The following ZNF804B variants were observed in gnomAD, a reference collection of about 807,000 sequenced individuals.
ZNF804B encodes zinc finger protein 804B.
ZNF804B carries 80 observed loss-of-function variants against 101.4 expected under a neutral mutation model. That is an observed-to-expected ratio of 0.79 (90% CI 0.66 to 0.95). ZNF804B has a LOEUF of 0.95. Ranked by LOEUF, ZNF804B falls within the 40% of genes least tolerant of loss-of-function variation. The probability of loss-of-function intolerance (pLI) is 0.00; values close to 1 mark genes in which losing one functional copy is unlikely to be tolerated. For synonymous variants in ZNF804B, 622 were observed against 558.8 expected (o/e 1.11, Z -1.59); for missense variants, 1,673 against 1,561.9 (o/e 1.07, Z -1.20).
At chr7:88,908,291 G>A (rs1792500899) in intron 1 of ZNF804B, among the ~76,000 whole-genome samples, 1 of 151,028 alleles carries the variant, frequency 6.6e-6, no homozygotes, top group Non-Finnish European at 1.5e-5. Context: ...ATGTGTATAT[G>A]TGTTATACTC....
intron 1 of ZNF804B, among the ~76,000 whole-genome samples, chr7:88,863,465 T>G (rs1200782466): frequency 6.6e-6 from 1 of 152,228 alleles, no homozygotes; most frequent in Non-Finnish European, 1.5e-5. Flanking sequence ...AGTTACATGG[T>G]CTTATGTCCA....
intron 1 of ZNF804B, among the ~76,000 whole-genome samples, chr7:88,977,476 G>A (rs1428056494): frequency 1.3e-5 from 2 of 151,484 alleles, no homozygotes; most frequent in Non-Finnish European, 1.5e-5. Flanking sequence ...ATTCTTAGTA[G>A]GTTGTAATGT....
At chr7:89,215,700 G>C (rs1025048264) in intron 1 of ZNF804B, among the ~76,000 whole-genome samples, 1 of 151,320 alleles carries the variant, frequency 6.6e-6, no homozygotes, top group Non-Finnish European at 1.5e-5. Context: ...TGGCTAACAC[G>C]GTGAAATCCC....
At chr7:89,173,330 G>A (rs1482141720) in intron 1 of ZNF804B, among the ~76,000 whole-genome samples, 2 of 151,644 alleles carry the variant, frequency 1.3e-5, no homozygotes, top group Non-Finnish European at 1.5e-5. Context: ...TTTAATATTT[G>A]AGTAATTTAA....
chr7:89,335,774 G>C lies in ZNF804B; in HGVS notation c.2792G>C (p.Arg931Thr), dbSNP rs1429194807. The C allele has an allele frequency of 2.5e-6, 4 of 1,614,044 alleles. No homozygotes were observed. Among genetic ancestry groups the C allele is most frequent in the South Asian group, 1.1e-5 (1 of 91,080 alleles). Residue 931 changes from arginine (R) to threonine (T), a missense_variant, in exon 4 of 4, where the codon AGA becomes ACA. Arg to Thr is a moderately conservative substitution (Grantham distance 71, BLOSUM62 -1). Coordinates refer to ENST00000333190, the MANE Select transcript of ZNF804B (RefSeq NM_181646.5). ...TPLTAKILLE[R>T]VQAKKCQEQS... ...CTAACAGCAAAAATCCTTTTAGAAA[G>C]AGTACAAGCCAAGAAATGTCAAGAA...
chr7:88,991,038 G>A (rs1296874652), intron 1 of ZNF804B, among the ~76,000 whole-genome samples: 1 of 152,016 alleles, frequency 6.6e-6, no homozygotes, highest in Non-Finnish European at 1.5e-5. Flanking sequence ...GATCTTCTAG[G>A]AATAGAAAAA....
chr7:88,870,365 A>G (rs941905029), intron 1 of ZNF804B, among the ~76,000 whole-genome samples: 1 of 130,846 alleles, frequency 7.6e-6, no homozygotes, highest in African/African-American at 3.1e-5. Flanking sequence ...AGCCTGGGCG[A>G]CAGAGCGAAA....
rs187436857 is a variant in ZNF804B, at chr7:89,020,207, A to T, written c.109-197948A>T. 4.0e-4 allele frequency among the ~76,000 whole-genome samples: 61 copies of T among 152,226 alleles called. No homozygotes were observed. The East Asian group carries it at 0.011, about 27-fold the overall frequency. Reference sequence around the variant, plus strand: ...ATATTTACTGTCTTTTTGCTTCCAGATGCAGGACTCTCTTAAGCATTTCTT... The same window carrying T: ...ATATTTACTGTCTTTTTGCTTCCAGTTGCAGGACTCTCTTAAGCATTTCTT... On this transcript the variant is annotated intron_variant, in intron 1 of 3. Transcript: ENST00000333190.
chr7:88,974,003 A>G (rs1793575066), intron 1 of ZNF804B, among the ~76,000 whole-genome samples: 1 of 151,368 alleles, frequency 6.6e-6, no homozygotes, highest in African/African-American at 2.4e-5. Flanking sequence ...GAAGTCTCAC[A>G]CTTAGTACAA....
At chr7:89,274,241 T>C (rs1789942872) in intron 2 of ZNF804B, among the ~76,000 whole-genome samples, 1 of 146,664 alleles carries the variant, frequency 6.8e-6, no homozygotes. Context: ...ACATGTGCCA[T>C]GCTGGTGCGC....
At chr7:89,160,345 C>T (rs962032112) in intron 1 of ZNF804B, among the ~76,000 whole-genome samples, 3 of 151,960 alleles carry the variant, frequency 2.0e-5, no homozygotes, top group Non-Finnish European at 4.4e-5. Flanking sequence ...AGGGATGTGG[C>T]GATGAATAAC....
chr7:88,877,040 TATATA>T (rs1791959476), intron 1 of ZNF804B, among the ~76,000 whole-genome samples: 1 of 49,502 alleles, frequency 2.0e-5, no homozygotes, highest in African/African-American at 9.9e-5. Flanking sequence ...TATATATATA[TATATA>T]TATATTTTTT....
chr7:89,243,686 G>T (rs374509996), intron 2 of ZNF804B, among the ~76,000 whole-genome samples: 1 of 151,718 alleles, frequency 6.6e-6, no homozygotes. Flanking sequence ...ATTTTCCAGC[G>T]AAGTTTGGAA....
At chr7:89,008,414 C>G (rs918921236) in intron 1 of ZNF804B, among the ~76,000 whole-genome samples, 4 of 152,192 alleles carry the variant, frequency 2.6e-5, no homozygotes, top group African/African-American at 9.6e-5. Context: ...GTTTTCTCCA[C>G]AGATACTACA....
At chr7:89,065,738 C>G (rs2116288635) in intron 1 of ZNF804B, among the ~76,000 whole-genome samples, 1 of 152,194 alleles carries the variant, frequency 6.6e-6, no homozygotes, top group Middle Eastern at 3.4e-3. Flanking sequence ...CTTCTAGAGG[C>G]TGGCTGCCTG....
chr7:89,103,881 G>C (rs1036905819), intron 1 of ZNF804B, among the ~76,000 whole-genome samples: 1 of 151,720 alleles, frequency 6.6e-6, no homozygotes, highest in African/African-American at 2.4e-5. Context: ...ATATATGGCT[G>C]TTACTATTTT....
intron 2 of ZNF804B, among the ~76,000 whole-genome samples, chr7:89,219,992 T>C (rs1488614797): frequency 1.5e-5 from 2 of 133,346 alleles, no homozygotes; most frequent in African/African-American, 3.1e-5. Flanking sequence ...TATGTGTGCA[T>C]ATATGTATAT....
chr7:89,154,831 A>T (rs891479845), intron 1 of ZNF804B, among the ~76,000 whole-genome samples: 1 of 152,112 alleles, frequency 6.6e-6, no homozygotes, highest in African/African-American at 2.4e-5. Context: ...AATATAGTCA[A>T]TAATCAATAT....
intron 1 of ZNF804B, among the ~76,000 whole-genome samples, chr7:88,885,445 A>G (rs1308916020): frequency 6.6e-6 from 1 of 151,734 alleles, no homozygotes; most frequent in Non-Finnish European, 1.5e-5. Context: ...TATTGCTAAA[A>G]TCTGGCTAAG....
Sources: gnomAD v4.1 joint callset for allele counts (sites outside exome capture counted in the v4.1 genomes callset) on GRCh38, gnomAD v4.1.1 for gene constraint, MANE v1.5 for transcripts, NCBI Gene and HGNC (gene_info 2026-07-23, HGNC 2026-07-21) for gene names.